ZNF117: variants seen among roughly 807,000 people sequenced by gnomAD.
ZNF117 encodes the protein zinc finger protein 117.
A neutral mutation model predicts 41.2 loss-of-function variants in ZNF117; 37 were observed. That is an observed-to-expected ratio of 0.90 (90% CI 0.69 to 1.18). ZNF117 has a LOEUF of 1.18. Among genes scored for constraint, ZNF117 ranks in the 50% most tolerant of loss-of-function variants. The probability of loss-of-function intolerance (pLI) is 0.00; values close to 1 mark genes in which losing one functional copy is unlikely to be tolerated. For synonymous variants in ZNF117, 186 were observed against 186.6 expected (o/e 1.00, Z 0.02); for missense variants, 546 against 557.5 (o/e 0.98, Z 0.21).
At chr7:64,979,852 T>C (rs1785989174) in intron 2 of ZNF117, 1 of 182,956 alleles carries the variant, frequency 5.5e-6, no homozygotes, top group Non-Finnish European at 1.1e-5. Flanking sequence ...TAACATAGTG[T>C]CTTTAGAAGT....
chr7:64,976,156 T>C (rs1474190931), exon 3 of ZNF117: 1 of 152,176 alleles, frequency 6.6e-6, no homozygotes, highest in Non-Finnish European at 1.5e-5. Flanking sequence ...TAAAGGCTTA[T>C]ATTTGTCAGG....
chr7:64,973,375 G>A (rs936768283), downstream of ZNF117: 2 of 151,834 alleles, frequency 1.3e-5, no homozygotes, highest in Non-Finnish European at 2.9e-5. Context: ...GTATTTTCTA[G>A]CAAATTTTAT....
chr7:64,988,697 C>A (rs961337619), intron 1 of ZNF117, among the ~76,000 whole-genome samples: 18 of 152,216 alleles, frequency 1.2e-4, no homozygotes, highest in Non-Finnish European at 2.2e-4. Flanking sequence ...ATATAGAAAA[C>A]CCTATAGTCT....
At chr7:64,975,351 TAA>T (rs1785861383) in exon 3 of ZNF117, 1 of 151,884 alleles carries the variant, frequency 6.6e-6, no homozygotes, top group African/African-American at 2.4e-5. Context: ...TTAACTAAAA[TAA>T]AAGATATTTT....
upstream of ZNF117, among the ~76,000 whole-genome samples, chr7:64,983,942 T>C (rs1471491880): frequency 1.3e-5 from 2 of 152,252 alleles, no homozygotes; most frequent in African/African-American, 4.8e-5. Context: ...CCAGAAAATA[T>C]TCTGCTAATC....
intron 2 of ZNF117, chr7:64,980,521 T>C (rs1170326739): frequency 1.3e-5 from 2 of 149,374 alleles, no homozygotes; most frequent in Non-Finnish European, 3.0e-5. Context: ...GTAAAAAATA[T>C]AAAAAAGGAA....
chr7:64,991,002 T>C (rs1334321741), exon 1 of ZNF117: 2 of 416,982 alleles, frequency 4.8e-6, no homozygotes, highest in African/African-American at 2.0e-5. Context: ...GCTCTTTTCT[T>C]GGCAGGGGTT....
At chr7:64,976,401 C>T (rs1785888309) in exon 3 of ZNF117, 1 of 157,204 alleles carries the variant, frequency 6.4e-6, no homozygotes, top group Non-Finnish European at 1.4e-5. Context: ...AAGATCACAC[C>T]ACTGCACTCC....
chr7:64,973,071 TG>T (rs1785806884), downstream of ZNF117: 2 of 151,846 alleles, frequency 1.3e-5, no homozygotes, highest in Admixed American at 6.6e-5. Context: ...CTAGAGAAAA[TG>T]ACCAAGAAGC....
chr7:64,986,268 T>C (rs1000802503), upstream of ZNF117, among the ~76,000 whole-genome samples: 1 of 152,202 alleles, frequency 6.6e-6, no homozygotes, highest in Non-Finnish European at 1.5e-5. Context: ...AAAAGGCCTA[T>C]GTCTTTCTCC....
At chr7:64,984,359 T>G (rs1786091656), upstream of ZNF117, among the ~76,000 whole-genome samples, 1 of 152,220 alleles carries the variant, frequency 6.6e-6, no homozygotes, top group Non-Finnish European at 1.5e-5. Context: ...CTTGAACTCC[T>G]GACCTCAAGT....
At chr7:64,981,519 A>G (rs1253501992) in intron 1 of ZNF117, 37 bp from the exon 3 acceptor site, 1 of 1,486,102 alleles carries the variant, frequency 6.7e-7, no homozygotes. Flanking sequence ...AATCTTGCAC[A>G]TATTCTCCAA....
chr7:64,988,286 T>C (rs1038605620), intron 1 of ZNF117, among the ~76,000 whole-genome samples: 1 of 152,172 alleles, frequency 6.6e-6, no homozygotes, highest in Non-Finnish European at 1.5e-5. Flanking sequence ...CCCTGGGATA[T>C]GAGGCTGGTT....
chr7:64,974,040 T>A (rs1353375486), downstream of ZNF117: 5 of 151,930 alleles, frequency 3.3e-5, no homozygotes, highest in Non-Finnish European at 5.9e-5. Flanking sequence ...GCATTCCTAG[T>A]TCTTACCTGA....
upstream of ZNF117, among the ~76,000 whole-genome samples, chr7:64,984,003 G>C (rs1057064344): frequency 4.6e-5 from 7 of 152,196 alleles, no homozygotes; most frequent in South Asian, 2.1e-4. Context: ...TGAGAAACGT[G>C]AGCATTATGA....
At chr7:64,980,798 C>T (rs1448077468) in intron 2 of ZNF117, 2 of 152,316 alleles carry the variant, frequency 1.3e-5, no homozygotes, top group African/African-American at 4.8e-5. Flanking sequence ...AAATAGCTGT[C>T]AAGTGAGAAT....
chr7:64,984,611 G>A (rs1020636039), upstream of ZNF117, among the ~76,000 whole-genome samples: 3 of 152,030 alleles, frequency 2.0e-5, no homozygotes, highest in African/African-American at 7.2e-5. Context: ...AAATTAGTAA[G>A]CATGTCATAC....
At chr7:64,977,922 A>T (rs750194775) in exon 3 of ZNF117, 2 of 1,235,010 alleles carry the variant, frequency 1.6e-6, no homozygotes, top group Non-Finnish European at 2.4e-6. Context: ...TCCAGTATGA[A>T]TTCTTTTATG....
At chr7:64,978,950 G>T in exon 3 of ZNF117, 1 of 1,612,496 alleles carries the variant, frequency 6.2e-7, no homozygotes, top group East Asian at 2.2e-5. Context: ...GTGTAGTAAG[G>T]GTCGATGACT....
Sources: allele counts gnomAD v4.1 joint callset (sites outside exome capture counted in the v4.1 genomes callset), GRCh38; gene constraint gnomAD v4.1.1; transcripts MANE v1.5; gene names NCBI Gene and HGNC (gene_info 2026-07-23, HGNC 2026-07-21).